KCNQ1: variants seen among roughly 807,000 people sequenced by gnomAD.
KCNQ1 encodes the protein potassium voltage-gated channel subfamily KQT member 1.
In KCNQ1, 49 loss-of-function variants were observed where a neutral mutation model predicts 72.4. The ratio of observed to expected loss-of-function variants is 0.68; its 90% CI spans 0.54 to 0.86. The LOEUF (loss-of-function observed/expected upper bound fraction) is 0.86, where lower values mean the gene tolerates loss of function less well. Ranked by LOEUF, KCNQ1 falls within the 40% of genes least tolerant of loss-of-function variation. KCNQ1 has a pLI of 0.00. For synonymous variants in KCNQ1, 450 were observed against 412.6 expected, an observed-to-expected ratio of 1.09 and a Z score of -1.10; for missense variants, 790 against 945.1, an observed-to-expected ratio of 0.84 and a Z score of 2.15.
intron 2 of KCNQ1, among the ~76,000 whole-genome samples, chr11:2,535,448 C>G (rs1847713777): frequency 2.0e-5 from 3 of 152,254 alleles, no homozygotes; most frequent in Admixed American, 1.3e-4. Flanking sequence ...AGCCACTGCC[C>G]TGTGGGGACA....
Position 2,687,534 on chromosome 11 carries a change from C to T in KCNQ1, c.1514+25453C>T, listed in dbSNP as rs1850511625. On this transcript the variant is annotated intron_variant, in intron 11 of 15. Transcript: ENST00000155840. The surrounding 1 kb of genome is among the most constrained non-coding windows in gnomAD (Gnocchi z 5.0). ...ACCAGCCTCCTCTGTATGGTCCCTT[C>T]CCTGGTGCACCTACCACAGCCCACT... is the stretch of plus-strand genomic sequence containing the variant. The T allele has an allele frequency of 1.0e-5, 4 of 398,718 alleles. No homozygotes were observed. Among genetic ancestry groups the T allele is most frequent in the Non-Finnish European group, 1.8e-5 (4 of 226,128 alleles). 24.7% of individuals were successfully genotyped at this position (398,718 alleles called of 1,614,324 possible). A position where few individuals can be genotyped will look rare whatever the true frequency, so the allele number is the denominator to read the frequency against.
chr11:2,491,078 C>T lies in KCNQ1; in HGVS notation c.387-36850C>T, dbSNP rs896286610. Among the ~76,000 whole-genome samples, 35 of 152,162 alleles carry T rather than the reference C, an allele frequency of 2.3e-4. No homozygotes were observed. The highest frequency in any genetic ancestry group is 3.9e-4 in the Admixed American group (6 of 15,280). On this transcript the variant is annotated intron_variant, in intron 1 of 15. Coordinates refer to ENST00000155840, the MANE Select transcript of KCNQ1 (RefSeq NM_000218.3). The surrounding 1 kb of genome is among the most constrained non-coding windows in gnomAD (Gnocchi z 4.1). Reference sequence around the variant, plus strand: ...CTTGGGATGCTGCCTAATGCAGATACGGCTTAGATCACAACACCCAAGTCC... The same window carrying T: ...CTTGGGATGCTGCCTAATGCAGATATGGCTTAGATCACAACACCCAAGTCC...
At chr11:2,452,632 C>T (rs554098403) in intron 1 of KCNQ1, among the ~76,000 whole-genome samples, 64 of 152,374 alleles carry the variant, frequency 4.2e-4, no homozygotes, top group Middle Eastern at 3.4e-3. Flanking sequence ...CATTCTATTC[C>T]GTGACGTCTC....
chr11:2,490,352 A>T (rs141789672), intron 1 of KCNQ1, among the ~76,000 whole-genome samples: 390 of 152,304 alleles, frequency 2.6e-3, no homozygotes, highest in Middle Eastern at 0.01. Context: ...GGGGGAACTC[A>T]CCACCCTAAA....
chr11:2,477,202 G>A lies in KCNQ1; in HGVS notation c.386+31718G>A, dbSNP rs1478526377. On this transcript the variant is annotated intron_variant, in intron 1 of 15. Coordinates refer to ENST00000155840, the MANE Select transcript of KCNQ1 (RefSeq NM_000218.3). This position sits in a 1 kb window ranked among gnomAD's most constrained non-coding sequence, Gnocchi z 5.0. ...GGTGAGATATGTGGAGACATGGCACGTGGTGAAAATGCTTGGCAAAGTGTT... is the reference window on the plus strand; with the variant it reads ...GGTGAGATATGTGGAGACATGGCACATGGTGAAAATGCTTGGCAAAGTGTT... Among the ~76,000 whole-genome samples the A allele has an allele frequency of 4.6e-5, 7 of 152,346 alleles. No individual in the cohort carries two copies. The South Asian group carries it at 8.3e-4, about 18-fold the overall frequency.
At position 2,448,387 on chromosome 11, in the gene KCNQ1, C is replaced by T. The variant is rs116207105; in HGVS notation, c.386+2903C>T. ...GGTGTTGGCAGAACCCTCGCGGGTG[C>T]GTGTTAATCAACAATGGAGCCAGAA... is the stretch of plus-strand genomic sequence containing the variant. On this transcript the variant is annotated intron_variant, in intron 1 of 15. Coordinates refer to ENST00000155840, the MANE Select transcript of KCNQ1 (RefSeq NM_000218.3). Among the ~76,000 whole-genome samples, 167 of 152,344 alleles carry T rather than the reference C, an allele frequency of 1.1e-3. 1 individual carries two copies. The highest frequency in any genetic ancestry group is 3.9e-3 in the African/African-American group (163 of 41,574).
intron 11 of KCNQ1, among the ~76,000 whole-genome samples, chr11:2,733,814 A>ACACACACACACACACACACACTCTCTCT: frequency 3.5e-5 from 3 of 86,612 alleles, no homozygotes; most frequent in Non-Finnish European, 4.8e-5. Context: ...ACACACACAC[A>ACACACACACACACACACACACTCTCTCT]CTCTCTCACT....
chr11:2,449,791 C>T (rs940620267), intron 1 of KCNQ1, among the ~76,000 whole-genome samples: 12 of 152,180 alleles, frequency 7.9e-5, no homozygotes, highest in African/African-American at 2.9e-4. Context: ...GAATTCCCCT[C>T]CTGCTGCTAG....
chr11:2,553,089 G>A (rs983414687), intron 2 of KCNQ1, among the ~76,000 whole-genome samples: 7 of 150,802 alleles, frequency 4.6e-5, no homozygotes, highest in East Asian at 1.9e-4. Context: ...TTAACCTTGC[G>A]TCCTGTGACT....
At position 2,461,715 on chromosome 11, in the gene KCNQ1, G is replaced by A. The variant is rs1490391959; in HGVS notation, c.386+16231G>A. The A allele has an allele frequency of 1.5e-6, 2 of 1,366,948 alleles. No homozygotes were observed. The highest frequency in any genetic ancestry group is 2.1e-4 in the Middle Eastern group (1 of 4,790). The allele number at this position is 1,366,948 out of a possible 1,614,324, so 84.7% of individuals were successfully genotyped here. Reference sequence around the variant, plus strand: ...GAGCCAGTGCGGGGCCTGGCATGGAGTAGGTACCCCGGGGGTGGACAGATA... The same window carrying A: ...GAGCCAGTGCGGGGCCTGGCATGGAATAGGTACCCCGGGGGTGGACAGATA... On this transcript the variant is annotated intron_variant, in intron 1 of 15. Coordinates refer to ENST00000155840, the MANE Select transcript of KCNQ1 (RefSeq NM_000218.3).
chr11:2,552,080 T>C (rs949844945), intron 2 of KCNQ1, among the ~76,000 whole-genome samples: 4 of 152,186 alleles, frequency 2.6e-5, no homozygotes, highest in Non-Finnish European at 5.9e-5. Flanking sequence ...AGAGCAGCAG[T>C]TTTTAATTTT....
rs147278439 is a variant in KCNQ1 at position 2,733,857 on chromosome 11, C to CTCTCTCT, written c.1515-34987_1515-34986insTCTCTCT. ...TCTCTCTCTCTCTCTCTCTCTCTCT[C>CTCTCTCT]CCCCCCCACTTCAGGGCCTTCGCGC... On this transcript the variant is annotated intron_variant, in intron 11 of 15. Transcript: ENST00000155840. 2.7e-3 allele frequency among the ~76,000 whole-genome samples: 205 copies of CTCTCTCT among 76,200 alleles called. 5 individuals are homozygous for CTCTCTCT. The highest frequency in any genetic ancestry group is 9.3e-3 in the Middle Eastern group (1 of 108). 50.0% of individuals were successfully genotyped at this position (76,200 alleles called of 152,430 possible).
Position 2,624,198 on chromosome 11 carries a change from G to A in KCNQ1, c.1393+35344G>A, listed in dbSNP as rs1194997189. On this transcript the variant is annotated intron_variant, in intron 10 of 15. Coordinates refer to ENST00000155840, the MANE Select transcript of KCNQ1 (RefSeq NM_000218.3). This position sits in a 1 kb window ranked among gnomAD's most constrained non-coding sequence, Gnocchi z 4.9. ...TGTGGGGCATCTTTTCATATACTTA[G>A]TTGCCATCTGTATATCTTCATTGGT... 1 of 398,310 alleles carries A rather than the reference G, an allele frequency of 2.5e-6. No homozygotes were observed. Among genetic ancestry groups the A allele is most frequent in the African/African-American group, 2.1e-5 (1 of 48,548 alleles). The allele number at this position is 398,310 out of a possible 1,614,324, so 24.7% of individuals were successfully genotyped here. A position where few individuals can be genotyped will look rare whatever the true frequency, so the allele number is the denominator to read the frequency against.
rs1001388681 is a variant in KCNQ1 at position 2,661,313 on chromosome 11, G to A, written c.1394-648G>A. The A allele has an allele frequency of 2.5e-6, 1 of 401,568 alleles. No individual in the cohort carries two copies. The highest frequency in any genetic ancestry group is 4.4e-6 in the Non-Finnish European group (1 of 227,762). 24.9% of individuals were successfully genotyped at this position (401,568 alleles called of 1,614,324 possible). ...ACTGATAGTGTCAACAGAGAGTGGGGAGTGATAAGGATCAGTATCCTGAGC... is the reference window on the plus strand; with the variant it reads ...ACTGATAGTGTCAACAGAGAGTGGGAAGTGATAAGGATCAGTATCCTGAGC... On this transcript the variant is annotated intron_variant, in intron 10 of 15. Coordinates refer to ENST00000155840, the MANE Select transcript of KCNQ1 (RefSeq NM_000218.3). This position sits in a 1 kb window ranked among gnomAD's most constrained non-coding sequence, Gnocchi z 5.9.
chr11:2,690,087 A>C lies in KCNQ1; in HGVS notation c.1514+28006A>C, dbSNP rs559009059. On this transcript the variant is annotated intron_variant, in intron 11 of 15. Coordinates refer to ENST00000155840, the MANE Select transcript of KCNQ1 (RefSeq NM_000218.3). The surrounding 1 kb of genome is among the most constrained non-coding windows in gnomAD (Gnocchi z 5.1). ...CTTCTGTCTGGGCTGAAGGCACAGC[A>C]GGGACAATCGCTCTTCCGGGGTTAG... 5 of 398,900 alleles carry C rather than the reference A, an allele frequency of 1.3e-5. No homozygotes were observed. The highest frequency in any genetic ancestry group is 4.1e-5 in the African/African-American group (2 of 48,776). The allele number at this position is 398,900 out of a possible 1,614,324, so 24.7% of individuals were successfully genotyped here.
intron 10 of KCNQ1, among the ~76,000 whole-genome samples, chr11:2,594,140 C>G (rs1848705757): frequency 6.6e-6 from 1 of 152,192 alleles, no homozygotes; most frequent in South Asian, 2.1e-4. Flanking sequence ...AAGGTAAACT[C>G]TCAGTTTCAG....
In KCNQ1 at chr11:2,611,430, T is replaced by C; in HGVS notation, c.1393+22576T>C. On this transcript the variant is annotated intron_variant, in intron 10 of 15. Coordinates refer to ENST00000155840, the MANE Select transcript of KCNQ1 (RefSeq NM_000218.3). The surrounding 1 kb of genome is among the most constrained non-coding windows in gnomAD (Gnocchi z 5.3). ...TTTCACCATGTTGACCAGGCTGGTC[T>C]TGAACTCCTGACCTCGAGTGATCTG... 2.5e-6 allele frequency: 1 copy of C among 397,750 alleles called. No homozygotes were observed. Among genetic ancestry groups the C allele is most frequent in the Non-Finnish European group, 4.4e-6 (1 of 226,066 alleles). 24.6% of individuals were successfully genotyped at this position (397,750 alleles called of 1,614,324 possible).
At chr11:2,799,152 A>G (rs1847206884) in intron 15 of KCNQ1, among the ~76,000 whole-genome samples, 1 of 152,256 alleles carries the variant, frequency 6.6e-6, no homozygotes, top group Non-Finnish European at 1.5e-5. Flanking sequence ...TGCCTGGAAC[A>G]GAAAGGGAGC....
chr11:2,618,053 T>C, intron 10 of KCNQ1: 1 of 398,598 alleles, frequency 2.5e-6, no homozygotes, highest in Non-Finnish European at 4.4e-6. Flanking sequence ...ATACCAATTA[T>C]TTGTTTTTGT....
Sources: gnomAD v4.1 joint callset for allele counts (sites outside exome capture counted in the v4.1 genomes callset) on GRCh38, gnomAD v4.1.1 for gene constraint, Gnocchi (gnomAD v3.1) non-coding constraint, MANE v1.5 for transcripts, NCBI Gene and HGNC (gene_info 2026-07-23, HGNC 2026-07-21) for gene names.